Variants in LRRC49 observed in about 807,000 individuals in gnomAD.
LRRC49 encodes the protein leucine rich repeat containing 49.
LRRC49 carries 50 observed loss-of-function variants against 83.3 expected under a neutral mutation model. The ratio of observed to expected loss-of-function variants is 0.60; its 90% confidence interval spans 0.48 to 0.76. The LOEUF (loss-of-function observed/expected upper bound fraction) is 0.76, where lower values mean the gene tolerates loss of function less well. Among genes scored for constraint, LRRC49 ranks in the 30% least tolerant of loss-of-function variants. The pLI is 0.00. For synonymous variants in LRRC49, 286 were observed against 283.3 expected, an observed-to-expected ratio of 1.01 and a Z score of -0.10; for missense variants, 704 against 809.1, an observed-to-expected ratio of 0.87 and a Z score of 1.58.
intron 9 of LRRC49, among the ~76,000 whole-genome samples, chr15:70,974,133 T>C (rs1020536559): frequency 1.3e-5 from 2 of 151,808 alleles, no homozygotes; most frequent in African/African-American, 4.8e-5. Flanking sequence ...CTCAAAAAAA[T>C]AAAATAATAA....
At chr15:70,950,511 GTGA>G (rs1420144807) in intron 8 of LRRC49, among the ~76,000 whole-genome samples, 1 of 152,136 alleles carries the variant, frequency 6.6e-6, no homozygotes, top group Non-Finnish European at 1.5e-5. Flanking sequence ...CTAATGATTA[GTGA>G]TGATATGAGC....
chr15:71,004,660 A>G (rs536945436), intron 11 of LRRC49, among the ~76,000 whole-genome samples: 66 of 152,090 alleles, frequency 4.3e-4, no homozygotes, highest in Middle Eastern at 3.4e-3. Flanking sequence ...AAAAAAAAAA[A>G]AAAGAAAGAA....
intron 10 of LRRC49, among the ~76,000 whole-genome samples, chr15:70,980,633 G>T (rs2141221939): frequency 6.6e-6 from 1 of 151,124 alleles, no homozygotes; most frequent in Non-Finnish European, 1.5e-5. Context: ...AAGTGATAAA[G>T]ATTTTGTGGA....
At chr15:70,928,887 A>T (rs761534081) in intron 7 of LRRC49, among the ~76,000 whole-genome samples, 4 of 152,176 alleles carry the variant, frequency 2.6e-5, no homozygotes, top group Non-Finnish European at 4.4e-5. Flanking sequence ...TTATTATGGG[A>T]ACATTCTGAG....
intron 1 of LRRC49, among the ~76,000 whole-genome samples, chr15:70,864,735 T>C (rs2032874243): frequency 6.6e-6 from 1 of 152,206 alleles, no homozygotes; most frequent in Non-Finnish European, 1.5e-5. Flanking sequence ...CATTCAATGC[T>C]GTCCATAAAC....
chr15:70,859,900 G>A (rs2032746232), intron 1 of LRRC49: 2 of 769,198 alleles, frequency 2.6e-6, no homozygotes, highest in Admixed American at 1.7e-5. Flanking sequence ...AGCTGCTGGA[G>A]GGTGAGGAGA....
At chr15:70,962,102 T>G (rs2036621527) in intron 8 of LRRC49, among the ~76,000 whole-genome samples, 1 of 152,186 alleles carries the variant, frequency 6.6e-6, no homozygotes, top group African/African-American at 2.4e-5. Flanking sequence ...TGTTTCTCAT[T>G]GGGGGTACAC....
In LRRC49 at chr15:70,900,176, A is replaced by G. The variant is rs918688458; in HGVS notation, c.194-746A>G. The G allele has an allele frequency of 1.9e-5, 4 of 213,562 alleles. 1 individual carries two copies. The highest frequency in any genetic ancestry group is 7.0e-5 in the African/African-American group (3 of 42,754). 13.2% of individuals were successfully genotyped at this position (213,562 alleles called of 1,614,324 possible). On this transcript the variant is annotated intron_variant, in intron 3 of 15. Transcript: ENST00000260382. ...GTATGTTGTTCTATTTATGAATTTC[A>G]TATGTGTATTTATTAATTTCAGTCT...
intron 9 of LRRC49, among the ~76,000 whole-genome samples, chr15:70,973,902 G>A (rs1042885355): frequency 1.3e-5 from 2 of 152,062 alleles, no homozygotes; most frequent in Admixed American, 1.3e-4. Flanking sequence ...GTTGAGGTGG[G>A]CGGATCACAA....
chr15:71,041,039 A>G (rs2039686665), intron 15 of LRRC49, among the ~76,000 whole-genome samples: 1 of 152,166 alleles, frequency 6.6e-6, no homozygotes, highest in African/African-American at 2.4e-5. Flanking sequence ...ACTTAGGCTT[A>G]GAAGAGGACT....
chr15:71,007,639 C>A (rs2038500911), intron 11 of LRRC49, among the ~76,000 whole-genome samples: 1 of 148,528 alleles, frequency 6.7e-6, no homozygotes, highest in African/African-American at 2.5e-5. Flanking sequence ...ATTTAGATAG[C>A]CTTATATAAA....
chr15:70,892,275 C>T (rs750254280), upstream of LRRC49: 6 of 1,558,790 alleles, frequency 3.8e-6, no homozygotes, highest in Non-Finnish European at 5.2e-6. Flanking sequence ...GCCGGCATGG[C>T]GGCCGTCTTC....
chr15:70,947,599 G>A (rs1021149371), intron 8 of LRRC49, among the ~76,000 whole-genome samples: 13 of 152,162 alleles, frequency 8.5e-5, no homozygotes, highest in Admixed American at 4.6e-4. Context: ...CTGGCAAAAG[G>A]TTCTGAAGAG....
chr15:70,880,061 A>C (rs528124680), intron 2 of LRRC49, among the ~76,000 whole-genome samples: 1 of 151,974 alleles, frequency 6.6e-6, no homozygotes, highest in East Asian at 1.9e-4. Flanking sequence ...ATCTCTAGCC[A>C]CCCTAGTCTT....
At chr15:71,036,166 T>G (rs566215497) in intron 14 of LRRC49, among the ~76,000 whole-genome samples, 1 of 152,344 alleles carries the variant, frequency 6.6e-6, no homozygotes, top group South Asian at 2.1e-4. Flanking sequence ...TGTTATATCC[T>G]TTGCCCACTT....
At chr15:70,870,166 C>T (rs917007115) in intron 1 of LRRC49, among the ~76,000 whole-genome samples, 1 of 152,208 alleles carries the variant, frequency 6.6e-6, no homozygotes, top group Non-Finnish European at 1.5e-5. Flanking sequence ...ATTCCAACAG[C>T]AAAGACTGAT....
chr15:70,921,821 AAAG>A (rs1374511133), intron 7 of LRRC49, among the ~76,000 whole-genome samples: 6 of 152,182 alleles, frequency 3.9e-5, no homozygotes, highest in Admixed American at 6.5e-5. Flanking sequence ...TGAATCTTGG[AAAG>A]AAGGTGAAAC....
intron 15 of LRRC49, among the ~76,000 whole-genome samples, chr15:71,039,200 CATT>C (rs1248511683): frequency 6.6e-6 from 1 of 152,072 alleles, no homozygotes; most frequent in African/African-American, 2.4e-5. Flanking sequence ...ATAAGCAGGT[CATT>C]GTTGTGGAAG....
intron 1 of LRRC49, among the ~76,000 whole-genome samples, chr15:70,871,716 C>G (rs1319710391): frequency 6.7e-6 from 1 of 148,262 alleles, no homozygotes; most frequent in African/African-American, 2.5e-5. Context: ...ACCTCCCAGA[C>G]GGGGTGGTGG....
Sources: allele counts gnomAD v4.1 joint callset (sites outside exome capture counted in the v4.1 genomes callset), GRCh38; gene constraint gnomAD v4.1.1; transcripts MANE v1.5; gene names NCBI Gene and HGNC (gene_info 2026-07-23, HGNC 2026-07-21).